Variants in PIP5K1B observed in about 807,000 individuals in gnomAD.
The protein encoded by PIP5K1B is phosphatidylinositol-4-phosphate 5-kinase type 1 beta, also known as phosphatidylinositol 4-phosphate 5-kinase type-1 beta.
Under a neutral mutation model 67.0 loss-of-function variants are expected in PIP5K1B, and 42 were observed. That is an observed-to-expected ratio of 0.63 (90% CI 0.49 to 0.81). The LOEUF (loss-of-function observed/expected upper bound fraction) is 0.81. Among genes scored for constraint, PIP5K1B ranks in the 30% least tolerant of loss-of-function variants. The probability of loss-of-function intolerance (pLI) is 0.00; values close to 1 mark genes in which losing one functional copy is unlikely to be tolerated. For synonymous variants in PIP5K1B, 214 were observed against 231.4 expected (o/e 0.92, Z 0.68); for missense variants, 459 against 646.3 (o/e 0.71, Z 3.14).
chr9:68,762,965 A>G (rs1177941612), intron 2 of PIP5K1B, among the ~76,000 whole-genome samples: 1 of 152,120 alleles, frequency 6.6e-6, no homozygotes, highest in Non-Finnish European at 1.5e-5. Context: ...TAATGCAAGG[A>G]TCCTGGCATT....
chr9:68,938,025 A>G (rs770098351), intron 13 of PIP5K1B, among the ~76,000 whole-genome samples: 10 of 152,096 alleles, frequency 6.6e-5, no homozygotes, highest in Non-Finnish European at 1.5e-4. Flanking sequence ...CAATTATGTG[A>G]TCAATTTTAG....
At chr9:68,841,659 G>A (rs1236552492) in intron 4 of PIP5K1B, among the ~76,000 whole-genome samples, 1 of 152,146 alleles carries the variant, frequency 6.6e-6, no homozygotes, top group Non-Finnish European at 1.5e-5. Context: ...CAAAAAAAAG[G>A]AATAAAAGTC....
intron 15 of PIP5K1B, among the ~76,000 whole-genome samples, chr9:69,007,855 TA>T (rs531814873): frequency 4.3e-3 from 611 of 140,958 alleles, no homozygotes; most frequent in Middle Eastern, 0.011. Context: ...AGACTCCATC[TA>T]AAAAAAAAAA....
chr9:68,844,557 G>A (rs1428666573), intron 4 of PIP5K1B, among the ~76,000 whole-genome samples: 2 of 152,002 alleles, frequency 1.3e-5, no homozygotes, highest in African/African-American at 4.8e-5. Context: ...CCAGAAAGAT[G>A]TCCGAGTCTG....
At chr9:69,000,570 C>T (rs902075177) in intron 15 of PIP5K1B, among the ~76,000 whole-genome samples, 8 of 152,158 alleles carry the variant, frequency 5.3e-5, no homozygotes, top group African/African-American at 1.9e-4. Context: ...TAGCCTTTCG[C>T]TGGTTTGTAG....
At chr9:68,726,952 A>G (rs1413312686) in intron 1 of PIP5K1B, among the ~76,000 whole-genome samples, 2 of 151,950 alleles carry the variant, frequency 1.3e-5, no homozygotes, top group Non-Finnish European at 1.5e-5. Flanking sequence ...GTAAGGTGCT[A>G]AACTCTTGTA....
chr9:68,906,459 A>G (rs868554960), intron 8 of PIP5K1B, among the ~76,000 whole-genome samples: 37 of 152,224 alleles, frequency 2.4e-4, no homozygotes, highest in Admixed American at 2.0e-4. Flanking sequence ...GCCAAGGACA[A>G]TCTGTTATTC....
Position 68,733,202 on chromosome 9 carries a change from G to C in PIP5K1B, c.-242-9299G>C, listed in dbSNP as rs529397078. On this transcript the variant is annotated intron_variant, in intron 1 of 15. Coordinates refer to ENST00000265382, the MANE Select transcript of PIP5K1B (RefSeq NM_003558.4). ...GGGAAATGAGAAGCAGATTGCTGAA[G>C]AGAACCTTGCTGCTTGCCGTCTGTA... is the stretch of plus-strand genomic sequence containing the variant. Among the ~76,000 whole-genome samples the C allele has an allele frequency of 1.8e-3, 273 of 152,306 alleles. 1 individual carries two copies. Among genetic ancestry groups the C allele is most frequent in the African/African-American group, 5.7e-3 (235 of 41,558 alleles).
At chr9:68,936,405 T>C (rs1035518515) in intron 13 of PIP5K1B, among the ~76,000 whole-genome samples, 1 of 152,030 alleles carries the variant, frequency 6.6e-6, no homozygotes, top group Non-Finnish European at 1.5e-5. Flanking sequence ...GAAGGAGTAC[T>C]GAATTTTATC....
intron 4 of PIP5K1B, among the ~76,000 whole-genome samples, chr9:68,825,956 T>G (rs1833956411): frequency 6.6e-6 from 1 of 152,198 alleles, no homozygotes; most frequent in Non-Finnish European, 1.5e-5. Context: ...AACTTTACAC[T>G]TTGCGTCTCA....
chr9:68,988,656 G>A (rs922164605), intron 14 of PIP5K1B, among the ~76,000 whole-genome samples: 1 of 151,882 alleles, frequency 6.6e-6, no homozygotes, highest in African/African-American at 2.4e-5. Context: ...TCACCATATT[G>A]GCCAGGCTGC....
chr9:68,751,231 C>T (rs1829616525), intron 2 of PIP5K1B, among the ~76,000 whole-genome samples: 1 of 152,150 alleles, frequency 6.6e-6, no homozygotes, highest in Admixed American at 6.5e-5. Context: ...GTGTCAAGAG[C>T]ATAATAAATT....
At chr9:68,834,487 G>C (rs1188661646) in intron 4 of PIP5K1B, among the ~76,000 whole-genome samples, 1 of 152,216 alleles carries the variant, frequency 6.6e-6, no homozygotes, top group Non-Finnish European at 1.5e-5. Context: ...CAACTGCACT[G>C]TGAGTGGCTG....
chr9:68,918,087 A>ATTTTTTTTTTTTTT lies in PIP5K1B; in HGVS notation c.983+331_983+332insTTTTTTTTTTTTTT, dbSNP rs200797718. ...TTTGAATAAACATGTTTTATTGTTT[A>ATTTTTTTTTTTTTT]TTTATTTATTTTTTTTTTTTGAGAC... On this transcript the variant is annotated intron_variant, in intron 9 of 15. Coordinates refer to ENST00000265382, the MANE Select transcript of PIP5K1B (RefSeq NM_003558.4). 1.5e-5 allele frequency among the ~76,000 whole-genome samples: 2 copies of ATTTTTTTTTTTTTT among 133,018 alleles called. 1 individual carries two copies. The allele number at this position is 133,018 out of a possible 152,430, so 87.3% of individuals were successfully genotyped here.
intron 3 of PIP5K1B, among the ~76,000 whole-genome samples, chr9:68,821,939 A>C (rs1833751782): frequency 6.6e-6 from 1 of 152,332 alleles, no homozygotes; most frequent in Non-Finnish European, 1.5e-5. Context: ...GAAAATGTTT[A>C]TTACATAAAT....
At chr9:68,796,611 A>G (rs1269076861) in intron 2 of PIP5K1B, among the ~76,000 whole-genome samples, 2 of 152,224 alleles carry the variant, frequency 1.3e-5, no homozygotes, top group African/African-American at 2.4e-5. Flanking sequence ...TGATAATGTC[A>G]TCAGGAAATG....
At chr9:68,726,130 G>A (rs1397041391) in intron 1 of PIP5K1B, among the ~76,000 whole-genome samples, 1 of 152,114 alleles carries the variant, frequency 6.6e-6, no homozygotes, top group Non-Finnish European at 1.5e-5. Context: ...GGTGTGATTG[G>A]ATTGTTTGTA....
intron 2 of PIP5K1B, among the ~76,000 whole-genome samples, chr9:68,775,803 T>C (rs531657345): frequency 2.0e-5 from 3 of 152,350 alleles, no homozygotes; most frequent in African/African-American, 7.2e-5. Context: ...GTATGTATTC[T>C]TTTGTACTTA....
At chr9:68,748,287 C>A (rs1201471767) in intron 2 of PIP5K1B, among the ~76,000 whole-genome samples, 2 of 152,188 alleles carry the variant, frequency 1.3e-5, no homozygotes, top group Non-Finnish European at 2.9e-5. Flanking sequence ...TATGGAAACT[C>A]CAGCCCCACA....
Sources: gnomAD v4.1 joint callset for allele counts (sites outside exome capture counted in the v4.1 genomes callset) on GRCh38, gnomAD v4.1.1 for gene constraint, MANE v1.5 for transcripts, NCBI Gene and HGNC (gene_info 2026-07-23, HGNC 2026-07-21) for gene names.